The following ASTN2 variants were observed in gnomAD, a reference collection of about 807,000 sequenced individuals.
The protein encoded by ASTN2 is astrotactin 2, also known as astrotactin-2.
A neutral mutation model predicts 139.8 loss-of-function variants in ASTN2; 54 were observed. That is an observed-to-expected ratio of 0.39 (90% CI 0.31 to 0.48). The LOEUF is 0.48. Ranked by LOEUF, ASTN2 falls within the 20% of genes least tolerant of loss-of-function variation. The pLI, the probability that ASTN2 is intolerant of heterozygous loss-of-function variation, is 0.95. For missense variants in ASTN2, 1,565 were observed against 1,725.1 expected, an observed-to-expected ratio of 0.91 and a Z score of 1.64; for synonymous variants, 756 against 719.5, an observed-to-expected ratio of 1.05 and a Z score of -0.81.
chr9:117,060,853 C>T lies in ASTN2; in HGVS notation c.1277-20888G>A, dbSNP rs146850919. On this transcript the variant is annotated intron_variant, in intron 5 of 22. Coordinates refer to ENST00000313400, the MANE Select transcript of ASTN2 (RefSeq NM_001365068.1). Reference sequence around the variant, plus strand: ...GAGCTTGCAGTGAGCCAAGATTGTGCCACTGCACTCCAGACTGGGTGACAG... The same window carrying T: ...GAGCTTGCAGTGAGCCAAGATTGTGTCACTGCACTCCAGACTGGGTGACAG... Among the ~76,000 whole-genome samples, 490 of 152,010 alleles carry T rather than the reference C, an allele frequency of 3.2e-3. 2 individuals carry two copies. Among genetic ancestry groups the T allele is most frequent in the African/African-American group, 0.011 (476 of 41,440 alleles).
chr9:117,308,734 G>A (rs756177474), intron 1 of ASTN2, among the ~76,000 whole-genome samples: 3 of 151,992 alleles, frequency 2.0e-5, no homozygotes, highest in African/African-American at 4.8e-5. Context: ...AGGAGAGGGA[G>A]AGGACAGCTT....
intron 2 of ASTN2, among the ~76,000 whole-genome samples, chr9:117,284,851 G>A (rs1382938744): frequency 6.6e-6 from 1 of 152,188 alleles, no homozygotes; most frequent in Non-Finnish European, 1.5e-5. Context: ...CTACTACCAA[G>A]TCAGTTATGG....
chr9:116,600,440 C>G (rs1854832318), intron 19 of ASTN2, among the ~76,000 whole-genome samples: 1 of 152,004 alleles, frequency 6.6e-6, no homozygotes, highest in African/African-American at 2.4e-5. Context: ...TGTCATTACA[C>G]TGGCAGTGAG....
intron 3 of ASTN2, among the ~76,000 whole-genome samples, chr9:117,158,645 G>A (rs1464343784): frequency 6.6e-6 from 1 of 152,044 alleles, no homozygotes; most frequent in African/African-American, 2.4e-5. Flanking sequence ...ATTGGGTGAG[G>A]CCACGTCCTA....
At chr9:116,912,006 G>A (rs908139319) in intron 10 of ASTN2, among the ~76,000 whole-genome samples, 1 of 152,186 alleles carries the variant, frequency 6.6e-6, no homozygotes, top group African/African-American at 2.4e-5. Context: ...ACAATGACAA[G>A]TGTGTGACTA....
At position 116,791,134 on chromosome 9, in the gene ASTN2, C is replaced by T. The variant is rs189807993; in HGVS notation, c.2396+14498G>A. On this transcript the variant is annotated intron_variant, in intron 13 of 22. Transcript: ENST00000313400. ...CCTCCCAAAGTGCTGGGATTACAGG[C>T]GTGAGCCACCGCACCCAGCCCTATC... is the stretch of plus-strand genomic sequence containing the variant. Among the ~76,000 whole-genome samples the T allele has an allele frequency of 3.1e-4, 47 of 152,238 alleles. No homozygotes were observed. In the South Asian group the frequency reaches 4.4e-3, roughly 14 times the overall value.
intron 1 of ASTN2, among the ~76,000 whole-genome samples, chr9:117,326,604 T>C (rs1828526870): frequency 6.6e-6 from 1 of 152,202 alleles, no homozygotes; most frequent in Non-Finnish European, 1.5e-5. Flanking sequence ...AAACCATTTC[T>C]TGCTTTGATA....
At chr9:116,911,741 A>G (rs1251742162) in intron 10 of ASTN2, among the ~76,000 whole-genome samples, 1 of 152,122 alleles carries the variant, frequency 6.6e-6, no homozygotes, top group Non-Finnish European at 1.5e-5. Flanking sequence ...CGTCCTACTA[A>G]AAATACAAAA....
chr9:117,380,633 AG>A (rs923062957), intron 1 of ASTN2, among the ~76,000 whole-genome samples: 1 of 151,566 alleles, frequency 6.6e-6, no homozygotes, highest in African/African-American at 2.4e-5. Flanking sequence ...TGCTCTGGTC[AG>A]GGGTGGGGCT....
intron 19 of ASTN2, among the ~76,000 whole-genome samples, chr9:116,548,286 A>G (rs1194595680): frequency 6.6e-6 from 1 of 152,126 alleles, no homozygotes; most frequent in Non-Finnish European, 1.5e-5. Context: ...AAGGGGACAG[A>G]GATGGCAGGA....
chr9:116,616,706 G>C (rs1855873014), intron 19 of ASTN2, among the ~76,000 whole-genome samples: 1 of 151,990 alleles, frequency 6.6e-6, no homozygotes, highest in Non-Finnish European at 1.5e-5. Context: ...CACTGTTGGA[G>C]GACTTTCATT....
chr9:117,413,454 C>A (rs1276219117), intron 1 of ASTN2, among the ~76,000 whole-genome samples: 1 of 152,232 alleles, frequency 6.6e-6, no homozygotes, highest in Non-Finnish European at 1.5e-5. Flanking sequence ...ACCAATAAGG[C>A]CCCGCGCCCC....
At chr9:116,586,833 C>CACACACACAT (rs1554717112) in intron 19 of ASTN2, among the ~76,000 whole-genome samples, 29 of 118,152 alleles carry the variant, frequency 2.5e-4, no homozygotes, top group East Asian at 6.6e-4. Flanking sequence ...CACATACATA[C>CACACACACAT]ACACACACAC....
chr9:117,412,687 G>A (rs1041018991), intron 1 of ASTN2, among the ~76,000 whole-genome samples: 1 of 152,162 alleles, frequency 6.6e-6, no homozygotes, highest in Admixed American at 6.5e-5. Flanking sequence ...TGGGGGGCGG[G>A]AGGATTTCCA....
intron 2 of ASTN2, among the ~76,000 whole-genome samples, chr9:117,276,145 T>A (rs1834183247): frequency 6.6e-6 from 1 of 152,238 alleles, no homozygotes; most frequent in Non-Finnish European, 1.5e-5. Flanking sequence ...GAGAAATTTC[T>A]ATTTATCAGG....
chr9:117,276,420 C>T (rs1834190325), intron 2 of ASTN2, among the ~76,000 whole-genome samples: 1 of 152,172 alleles, frequency 6.6e-6, no homozygotes, highest in African/African-American at 2.4e-5. Context: ...TCTGCTACCA[C>T]AAGAGAGAGG....
intron 2 of ASTN2, among the ~76,000 whole-genome samples, chr9:117,269,129 AAGTACT>A (rs1834002974): frequency 6.6e-6 from 1 of 152,184 alleles, no homozygotes; most frequent in Non-Finnish European, 1.5e-5. Context: ...GGACTGACTT[AAGTACT>A]TCTCCCAGCC....
intron 1 of ASTN2, among the ~76,000 whole-genome samples, chr9:117,301,082 G>T (rs563509923): frequency 1.3e-5 from 2 of 152,114 alleles, no homozygotes; most frequent in Non-Finnish European, 2.9e-5. Flanking sequence ...AAAGCATATC[G>T]TTTCAGATTA....
At chr9:117,340,851 C>A (rs923874183) in intron 1 of ASTN2, among the ~76,000 whole-genome samples, 2 of 152,154 alleles carry the variant, frequency 1.3e-5, no homozygotes, top group African/African-American at 4.8e-5. Flanking sequence ...TTGTGCAATG[C>A]CCTTCCTCCC....
Sources: gnomAD v4.1 joint callset for allele counts (sites outside exome capture counted in the v4.1 genomes callset) on GRCh38, gnomAD v4.1.1 for gene constraint, MANE v1.5 for transcripts, NCBI Gene and HGNC (gene_info 2026-07-23, HGNC 2026-07-21) for gene names.